MRPL38: variants seen among roughly 807,000 people sequenced by gnomAD.
MRPL38 encodes the protein mitochondrial ribosomal protein L38, also known as large ribosomal subunit protein mL38.
A neutral mutation model predicts 52.1 loss-of-function variants in MRPL38; 51 were observed. The observed-to-expected ratio is 0.98, with a 90% CI of 0.78 to 1.24. The LOEUF (loss-of-function observed/expected upper bound fraction) is 1.24. MRPL38 is among the 50% of genes most tolerant of loss of function. MRPL38 has a pLI of 0.00. For missense variants in MRPL38, 527 were observed against 518.6 expected (o/e 1.02, Z -0.16); for synonymous variants, 245 against 212.7 (o/e 1.15, Z -1.32).
Position 75,898,891 on chromosome 17 carries a change from G to C in MRPL38, c.1102C>G (p.Arg368Gly), listed in dbSNP as rs372698914. 3.7e-6 allele frequency: 6 copies of C among 1,611,564 alleles called. No individual in the cohort carries two copies. The Middle Eastern group carries it at 8.3e-4, about 222-fold the overall frequency. ...PHRQPLRYLD[R>G]YRDSHEPTYG... The stretch of plus-strand genomic sequence containing the variant: ...GTGGGCTCATGACTGTCCCTGTACC[G>C]GTCCAGGTAGCGCAGGGGCTGCCGG... Residue 368 changes from arginine (R) to glycine (G), a missense_variant, in exon 9 of 9, where the codon CGG becomes GGG. Arg to Gly is a moderately radical substitution (Grantham distance 125, BLOSUM62 -2). Coordinates refer to ENST00000309352, the MANE Select transcript of MRPL38 (RefSeq NM_032478.4).
intron 8 of MRPL38, 83 bp from the exon 9 acceptor site, chr17:75,899,069 A>C (rs2065391529): frequency 4.6e-6 from 7 of 1,534,146 alleles, no homozygotes; most frequent in Non-Finnish European, 6.1e-6. Context: ...GACCTGCCGC[A>C]GCCTTCCCCT....
In MRPL38 at chr17:75,901,724, C is replaced by T; in HGVS notation, c.579G>A (p.Val193=). ...DLMPVYCGNE[V]TPTEAAQAPE... ...AGTGAGTGGTTACCTCGGTTGGAGT[C>T]ACCTCATTGCCACAGTACACAGGCA... is the stretch of plus-strand genomic sequence containing the variant. Residue 193 remains valine (V), a synonymous_variant, in exon 4 of 9, where the codon GTG becomes GTA. Coordinates refer to ENST00000309352, the MANE Select transcript of MRPL38 (RefSeq NM_032478.4). This position sits in a 1 kb window ranked among gnomAD's most constrained non-coding sequence, Gnocchi z 5.7. The T allele has an allele frequency of 6.2e-7, 1 of 1,613,750 alleles. No individual in the cohort carries two copies. The highest frequency in any genetic ancestry group is 1.1e-5 in the South Asian group (1 of 91,072).
Position 75,898,777 on chromosome 17 carries a change from G to T in MRPL38, c.*73C>A. ...AGGCAGGGCCCAGACCCCACAGTGTGGGCCTCTGGAGCTGTGTCTTTACTC... is the reference window on the plus strand; with the variant it reads ...AGGCAGGGCCCAGACCCCACAGTGTTGGCCTCTGGAGCTGTGTCTTTACTC... On this transcript the variant is annotated 3_prime_UTR_variant, in exon 9 of 9. Transcript: ENST00000309352. 1 of 1,571,496 alleles carries T rather than the reference G, an allele frequency of 6.4e-7. No individual in the cohort carries two copies. Among genetic ancestry groups the T allele is most frequent in the Non-Finnish European group, 8.7e-7 (1 of 1,153,946 alleles).
rs1366395843 is a variant in MRPL38 at position 75,901,705 on chromosome 17, T to C, written c.591+7A>G. ...GGCAGGGAGGAGGGGCACAAGTGAGTGGTTACCTCGGTTGGAGTCACCTCA... is the reference window on the plus strand; with the variant it reads ...GGCAGGGAGGAGGGGCACAAGTGAGCGGTTACCTCGGTTGGAGTCACCTCA... On this transcript the variant is annotated splice_region_variant and intron_variant, in intron 4 of 8. Transcript: ENST00000309352. This position sits in a 1 kb window ranked among gnomAD's most constrained non-coding sequence, Gnocchi z 5.7. 6.2e-7 allele frequency: 1 copy of C among 1,612,712 alleles called. No homozygotes were observed. Among genetic ancestry groups the C allele is most frequent in the African/African-American group, 1.3e-5 (1 of 74,770 alleles).
In MRPL38 at chr17:75,901,427, G is replaced by T; in HGVS notation, c.592-154C>A. The T allele has an allele frequency of 1.3e-6, 1 of 780,380 alleles. No homozygotes were observed. Among genetic ancestry groups the T allele is most frequent in the South Asian group, 1.6e-5 (1 of 62,318 alleles). 48.3% of individuals were successfully genotyped at this position (780,380 alleles called of 1,614,324 possible). On this transcript the variant is annotated intron_variant, in intron 4 of 8. Transcript: ENST00000309352. The surrounding 1 kb of genome is among the most constrained non-coding windows in gnomAD (Gnocchi z 5.7). ...AAGGGATGCGTAGAGAAGCAGCCCT[G>T]CAGAGTTGCCTGTCCAGGCAACAAC...
intron 6 of MRPL38, chr17:75,900,047 TG>T (rs1361004482): frequency 1.2e-5 from 2 of 162,270 alleles, no homozygotes; most frequent in African/African-American, 4.8e-5. Context: ...TCAGGGAGTG[TG>T]TGCCCAGCCT....
In MRPL38 at chr17:75,904,706, G is replaced by T; in HGVS notation, c.81C>A (p.Arg27=). The T allele has an allele frequency of 6.3e-7, 1 of 1,590,358 alleles. No individual in the cohort carries two copies. Among genetic ancestry groups the T allele is most frequent in the Admixed American group, 1.7e-5 (1 of 58,498 alleles). Residue 27 remains arginine, a synonymous_variant, in exon 2 of 9, where the codon CGC becomes CGA. Coordinates refer to ENST00000309352, the MANE Select transcript of MRPL38 (RefSeq NM_032478.4). ...RGFSTSAVLG[R]RTPPLGPMPN... ...GCATCGGCCCCAGCGGGGGTGTCCG[G>T]CGGCCCAGGACGGCTGCGGGCAGAG...
At chr17:75,904,770 G>GGGGGGGGCCCCC in intron 1 of MRPL38, 39 bp downstream of exon 1, 3 of 500,000 alleles carry the variant, frequency 6.0e-6, no homozygotes, top group Non-Finnish European at 8.4e-6. Context: ...TCGGGCGACA[G>GGGGGGGGCCCCC]CCCCCCCCCC....
rs2065402687 is a variant in MRPL38, at chr17:75,901,173, G to C, written c.664+28C>G. On this transcript the variant is annotated intron_variant, in intron 5 of 8. Coordinates refer to ENST00000309352, the MANE Select transcript of MRPL38 (RefSeq NM_032478.4). This position sits in a 1 kb window ranked among gnomAD's most constrained non-coding sequence, Gnocchi z 5.7. Reference sequence around the variant, plus strand: ...TGGCTCATAGGAGGTGAGCGGGGCAGGAGGCCTGGTGAGCCCCAGACACCC... The same window carrying C: ...TGGCTCATAGGAGGTGAGCGGGGCACGAGGCCTGGTGAGCCCCAGACACCC... 3 of 1,612,174 alleles carry C rather than the reference G, an allele frequency of 1.9e-6. No individual in the cohort carries two copies. The highest frequency in any genetic ancestry group is 2.5e-6 in the Non-Finnish European group (3 of 1,179,288).
In MRPL38 at chr17:75,900,993, G is replaced by A. The variant is rs1255275311; in HGVS notation, c.699C>T (p.Leu233=). The A allele has an allele frequency of 3.1e-6, 5 of 1,612,694 alleles. No individual in the cohort carries two copies. The highest frequency in any genetic ancestry group is 4.2e-6 in the Non-Finnish European group (5 of 1,179,492). The change falls in exon 6 of 9, where the codon CTC becomes CTT. Residue 233 remains leucine (L), a synonymous_variant. Coordinates refer to ENST00000309352, the MANE Select transcript of MRPL38 (RefSeq NM_032478.4). ...ACTCCAGTACTCACAGCAGCCAGTG[G>A]AGGTACTCAGCATCTGGCTCCAGCA... ...GHLLEPDAEY[L]HWLLTNIPGN...
intron 1 of MRPL38, 39 bp downstream of exon 1, chr17:75,904,770 G>GGGGGCCCCCC: frequency 2.8e-5 from 14 of 499,992 alleles, no homozygotes; most frequent in Non-Finnish European, 3.6e-5. Context: ...TCGGGCGACA[G>GGGGGCCCCCC]CCCCCCCCCC....
In MRPL38 at chr17:75,901,182, G is replaced by A; in HGVS notation, c.664+19C>T. 1.2e-6 allele frequency: 2 copies of A among 1,612,950 alleles called. No individual in the cohort carries two copies. Among genetic ancestry groups the A allele is most frequent in the Non-Finnish European group, 1.7e-6 (2 of 1,179,616 alleles). On this transcript the variant is annotated intron_variant, in intron 5 of 8. Coordinates refer to ENST00000309352, the MANE Select transcript of MRPL38 (RefSeq NM_032478.4). This position sits in a 1 kb window ranked among gnomAD's most constrained non-coding sequence, Gnocchi z 5.7. The stretch of plus-strand genomic sequence containing the variant: ...GGAGGTGAGCGGGGCAGGAGGCCTG[G>A]TGAGCCCCAGACACCCACCCAAGCT...
At chr17:75,900,845 C>A (rs1442207683) in intron 6 of MRPL38, 137 bp downstream of exon 6, 2 of 1,448,180 alleles carry the variant, frequency 1.4e-6, no homozygotes, top group Non-Finnish European at 1.8e-6. Flanking sequence ...GCCCCTAACA[C>A]CCTCAGGAGG....
rs759011660 is a variant in MRPL38 at position 75,904,674 on chromosome 17, C to T, written c.113G>A (p.Ser38Asn). The change falls in exon 2 of 9, where the codon AGT (serine) becomes AAT (asparagine). Residue 38 changes from serine (S) to asparagine (N), a missense_variant. By Grantham distance (46) the Ser-to-Asn change is conservative (BLOSUM62 1). Transcript: ENST00000309352. ...RTPPLGPMPN[S>N]DIDLSNLERL... ...CTCCAGGTTGCTCAAGTCGATGTCA[C>T]TGTTGGGCATCGGCCCCAGCGGGGG... 5 of 1,597,726 alleles carry T rather than the reference C, an allele frequency of 3.1e-6. No individual in the cohort carries two copies. Among genetic ancestry groups the T allele is most frequent in the South Asian group, 1.1e-5 (1 of 90,564 alleles).
chr17:75,898,978 C>T lies in MRPL38; in HGVS notation c.1015G>A (p.Glu339Lys). The T allele has an allele frequency of 1.3e-6, 2 of 1,597,284 alleles. No individual in the cohort carries two copies. Among genetic ancestry groups the T allele is most frequent in the Non-Finnish European group, 1.7e-6 (2 of 1,172,836 alleles). ...GGCCGCACGAACTCAAACACCGGCT[C>T]CCGCATGTCTGCAAGAAGAGTGAGG... ...YIFHQLLDMR[E>K]PVFEFVRPPP... The change falls in exon 9 of 9, where the codon GAG (glutamate) becomes AAG (lysine). Residue 339 changes from glutamate (E) to lysine (K), a missense_variant. Physicochemically the swap from Glu to Lys is moderately conservative, Grantham distance 56. Coordinates refer to ENST00000309352, the MANE Select transcript of MRPL38 (RefSeq NM_032478.4).
intron 6 of MRPL38, 175 bp downstream of exon 6, chr17:75,900,807 G>T: frequency 7.0e-7 from 1 of 1,425,988 alleles, no homozygotes; most frequent in Non-Finnish European, 9.2e-7. Context: ...TCCTGTAGCT[G>T]TCTTCAAGTA....
intron 1 of MRPL38, 39 bp downstream of exon 1, chr17:75,904,768 CAG>C (rs2065421301): frequency 1.8e-4 from 190 of 1,055,480 alleles, no homozygotes; most frequent in Non-Finnish European, 2.1e-4. Flanking sequence ...GCTCGGGCGA[CAG>C]CCCCCCCCCC....
chr17:75,904,130 G>C, intron 2 of MRPL38: 1 of 436,500 alleles, frequency 2.3e-6, no homozygotes, highest in East Asian at 6.8e-5. Flanking sequence ...AGGATCCAAT[G>C]GAGGGCAAGA....
chr17:75,901,044 C>T lies in MRPL38; in HGVS notation c.665-17G>A. The T allele has an allele frequency of 6.2e-7, 1 of 1,610,628 alleles. No individual in the cohort carries two copies. Among genetic ancestry groups the T allele is most frequent in the Non-Finnish European group, 8.5e-7 (1 of 1,178,740 alleles). ...GGTGCCCATCTGCACAAAAACACAC[C>T]TGCTGACCACGGCCCAGCCGACCAC... On this transcript the variant is annotated splice_polypyrimidine_tract_variant and intron_variant, in intron 5 of 8. Coordinates refer to ENST00000309352, the MANE Select transcript of MRPL38 (RefSeq NM_032478.4). The surrounding 1 kb of genome is among the most constrained non-coding windows in gnomAD (Gnocchi z 5.7).
Sources: gnomAD v4.1 joint callset for allele counts on GRCh38, gnomAD v4.1.1 for gene constraint, Gnocchi (gnomAD v3.1) non-coding constraint, MANE v1.5 for transcripts, NCBI Gene and HGNC (gene_info 2026-07-23, HGNC 2026-07-21) for gene names.